DLC1: variants seen among roughly 807,000 people sequenced by gnomAD.
DLC1 encodes DLC1 Rho GTPase activating protein.
Under a neutral mutation model 140.3 loss-of-function variants are expected in DLC1, and 54 were observed. That is an observed-to-expected ratio of 0.38 (90% confidence interval 0.31 to 0.48). The LOEUF (loss-of-function observed/expected upper bound fraction) is 0.48. Among genes scored for constraint, DLC1 ranks in the 20% least tolerant of loss-of-function variants. The pLI, the probability that DLC1 is intolerant of heterozygous loss-of-function variation, is 0.96. For synonymous variants in DLC1, 986 were observed against 728.1 expected (o/e 1.35, Z -5.70); for missense variants, 2,536 against 1,907.0 (o/e 1.33, Z -6.14).
chr8:13,237,984 A>T (rs941267867), intron 5 of DLC1, among the ~76,000 whole-genome samples: 2 of 152,204 alleles, frequency 1.3e-5, no homozygotes, highest in African/African-American at 4.8e-5. Context: ...AAGGAAAGAA[A>T]CGAACAGGTG....
intron 2 of DLC1, among the ~76,000 whole-genome samples, chr8:13,439,062 C>T (rs987180764): frequency 6.6e-6 from 1 of 152,128 alleles, no homozygotes; most frequent in African/African-American, 2.4e-5. Context: ...CACAGTGGCT[C>T]ATGCCTGTAA....
intron 5 of DLC1, among the ~76,000 whole-genome samples, chr8:13,152,081 T>C (rs896150312): frequency 2.6e-5 from 4 of 152,228 alleles, no homozygotes; most frequent in African/African-American, 7.2e-5. Flanking sequence ...CCCTCCATGT[T>C]TACTAAATAC....
chr8:13,143,920 C>G (rs948909982), intron 5 of DLC1, among the ~76,000 whole-genome samples: 2 of 151,892 alleles, frequency 1.3e-5, no homozygotes, highest in African/African-American at 4.8e-5. Flanking sequence ...CGGGCAGGCA[C>G]ATGTGAATGG....
At chr8:13,524,108 T>TTTTTTA (rs746291188) in intron 1 of DLC1, among the ~76,000 whole-genome samples, 10 of 138,718 alleles carry the variant, frequency 7.2e-5, no homozygotes, top group Non-Finnish European at 1.2e-4. Flanking sequence ...ATCTATTCTA[T>TTTTTTA]TTATTATTAT....
At chr8:13,243,150 C>T (rs1221883713) in intron 5 of DLC1, among the ~76,000 whole-genome samples, 1 of 151,922 alleles carries the variant, frequency 6.6e-6, no homozygotes, top group African/African-American at 2.4e-5. Context: ...ATTAGCCAAG[C>T]ATGGTGGCAC....
chr8:13,395,012 A>G (rs567763432), intron 3 of DLC1, among the ~76,000 whole-genome samples: 74 of 84,758 alleles, frequency 8.7e-4, no homozygotes, highest in Non-Finnish European at 1.1e-3. Context: ...TATTCTATCT[A>G]TCTATCTATC....
intron 2 of DLC1, among the ~76,000 whole-genome samples, chr8:13,453,448 A>G (rs1381622959): frequency 9.6e-4 from 26 of 27,068 alleles, no homozygotes; most frequent in East Asian, 3.0e-3. Flanking sequence ...GTATATATAT[A>G]CATATATATA....
intron 1 of DLC1, among the ~76,000 whole-genome samples, chr8:13,593,996 C>CA (rs1407348730): frequency 1.3e-5 from 2 of 151,896 alleles, no homozygotes; most frequent in African/African-American, 2.4e-5. Context: ...CCTGTCTCTA[C>CA]AAAAAAATAA....
At chr8:13,119,226 T>TAAA (rs757073542) in intron 5 of DLC1, among the ~76,000 whole-genome samples, 1 of 119,712 alleles carries the variant, frequency 8.4e-6, no homozygotes, top group Non-Finnish European at 1.7e-5. Flanking sequence ...AGACCCTGTC[T>TAAA]AAAAAAAAAA....
chr8:13,125,028 G>A (rs183761435), intron 5 of DLC1, among the ~76,000 whole-genome samples: 39 of 151,754 alleles, frequency 2.6e-4, no homozygotes, highest in East Asian at 7.7e-4. Flanking sequence ...CCACGCTGGA[G>A]TGCAGTAGCA....
chr8:13,452,082 T>G (rs1799089254), intron 2 of DLC1, among the ~76,000 whole-genome samples: 1 of 152,048 alleles, frequency 6.6e-6, no homozygotes, highest in African/African-American at 2.4e-5. Flanking sequence ...CCAATTTTAT[T>G]TGAGAGATAG....
chr8:13,453,502 GTATATATATATACATATATATA>G (rs1563360608), intron 2 of DLC1, among the ~76,000 whole-genome samples: 2 of 17,284 alleles, frequency 1.2e-4, no homozygotes, highest in Admixed American at 9.0e-4. Context: ...ATATATATAT[GTATATATATATACATATATATA>G]TATGTATATA....
intron 5 of DLC1, among the ~76,000 whole-genome samples, chr8:13,284,693 C>T (rs1236073571): frequency 3.9e-5 from 6 of 151,950 alleles, no homozygotes; most frequent in African/African-American, 1.5e-4. Flanking sequence ...TTAGCAAGAT[C>T]ACAGGATTGA....
chr8:13,277,065 G>A (rs1052334041), intron 5 of DLC1, among the ~76,000 whole-genome samples: 1 of 152,184 alleles, frequency 6.6e-6, no homozygotes, highest in East Asian at 1.9e-4. Context: ...GCTCACGCCT[G>A]TTCCCAGCAC....
At chr8:13,317,466 T>C (rs1832904522) in intron 4 of DLC1, among the ~76,000 whole-genome samples, 1 of 152,222 alleles carries the variant, frequency 6.6e-6, no homozygotes, top group East Asian at 1.9e-4. Context: ...ACAAAACATA[T>C]CTTCAAAATT....
rs1804964166 is a variant in DLC1, at chr8:13,579,318, TATATA to T, written c.-126+25214_-126+25218del. 6.8e-3 allele frequency among the ~76,000 whole-genome samples: 37 copies of T among 5,474 alleles called. 4 individuals carry two copies. Among genetic ancestry groups the T allele is most frequent in the Middle Eastern group, 0.17 (1 of 6 alleles). 3.6% of individuals were successfully genotyped at this position (5,474 alleles called of 152,430 possible). ...GTCAGATACCACAGGTCTGACTTTATATATATATATATATATATATATATATATAT... is the reference window on the plus strand; with the variant it reads ...GTCAGATACCACAGGTCTGACTTTATTATATATATATATATATATATATAT... On this transcript the variant is annotated intron_variant, in intron 1 of 1. Coordinates refer to the DLC1 transcript ENST00000631382.
chr8:13,112,376 T>A (rs1439715751), intron 6 of DLC1, among the ~76,000 whole-genome samples: 2 of 152,216 alleles, frequency 1.3e-5, no homozygotes, highest in Non-Finnish European at 2.9e-5. Flanking sequence ...TTTCTAGAGA[T>A]AATATATCAG....
At chr8:13,514,212 T>C (rs1341363443) in intron 1 of DLC1, among the ~76,000 whole-genome samples, 1 of 152,156 alleles carries the variant, frequency 6.6e-6, no homozygotes, top group Admixed American at 6.5e-5. Context: ...ACTCTCCCTG[T>C]TGGCAAAGGA....
At chr8:13,138,773 T>C (rs1296593800) in intron 5 of DLC1, among the ~76,000 whole-genome samples, 1 of 152,204 alleles carries the variant, frequency 6.6e-6, no homozygotes, top group Non-Finnish European at 1.5e-5. Flanking sequence ...CCCTACCTGG[T>C]ATTTAGCCTT....
Sources: allele counts gnomAD v4.1 joint callset (sites outside exome capture counted in the v4.1 genomes callset), GRCh38; gene constraint gnomAD v4.1.1; transcripts MANE v1.5; gene names NCBI Gene and HGNC (gene_info 2026-07-23, HGNC 2026-07-21).